The following GLDC variants were observed in gnomAD, a reference collection of about 807,000 sequenced individuals.
GLDC encodes glycine dehydrogenase (decarboxylating), mitochondrial.
In GLDC, 104 loss-of-function variants were observed where a neutral mutation model predicts 121.3. The ratio of observed to expected loss-of-function variants is 0.86; its 90% CI spans 0.73 to 1.01. The LOEUF is 1.01. Among genes scored for constraint, GLDC ranks in the 50% least tolerant of loss-of-function variants. GLDC has a pLI of 0.00. For missense variants in GLDC, 1,429 were observed against 1,306.6 expected (o/e 1.09, Z -1.44); for synonymous variants, 546 against 480.6 (o/e 1.14, Z -1.78).
At chr9:6,556,402 T>C (rs1172094671) in intron 17 of GLDC, 100 bp from the exon 18 acceptor site, 2 of 997,158 alleles carry the variant, frequency 2.0e-6, no homozygotes, top group African/African-American at 1.6e-5. Context: ...AAAGATGAAG[T>C]CTCAGTCTTT....
intron 2 of GLDC, among the ~76,000 whole-genome samples, chr9:6,637,669 G>A (rs554955779): frequency 3.3e-5 from 5 of 152,072 alleles, no homozygotes; most frequent in South Asian, 4.2e-4. Flanking sequence ...GTTTTGCCAC[G>A]TTGCCCAGGC....
At chr9:6,602,264 T>C (rs2129885866) in intron 7 of GLDC, 59 bp from the exon 8 acceptor site, 1 of 1,002,038 alleles carries the variant, frequency 1.0e-6, no homozygotes, top group Middle Eastern at 2.0e-4. Flanking sequence ...GGAGATGCTA[T>C]AAATAGAATT....
intron 15 of GLDC, among the ~76,000 whole-genome samples, chr9:6,582,604 T>C (rs966121722): frequency 1.3e-5 from 2 of 150,224 alleles, no homozygotes; most frequent in Non-Finnish European, 3.0e-5. Flanking sequence ...CCGAGGCGGG[T>C]GGATCACGAG....
intron 15 of GLDC, among the ~76,000 whole-genome samples, chr9:6,582,496 G>T (rs1818190022): frequency 6.6e-6 from 1 of 151,628 alleles, no homozygotes; most frequent in African/African-American, 2.4e-5. Context: ...GCTCCAGGCT[G>T]GACAACAGAG....
intron 15 of GLDC, chr9:6,566,373 G>A (rs762908565): frequency 6.6e-6 from 1 of 152,012 alleles, no homozygotes; most frequent in Non-Finnish European, 1.5e-5. Context: ...AAGGTTTAAG[G>A]AAGACACACC....
chr9:6,589,025 G>A (rs1266507631), intron 12 of GLDC, among the ~76,000 whole-genome samples, 170 bp downstream of exon 12: 1 of 152,216 alleles, frequency 6.6e-6, no homozygotes, highest in East Asian at 1.9e-4. Context: ...GAAACAAAGT[G>A]TGCTTTTCCC....
intron 11 of GLDC, among the ~76,000 whole-genome samples, chr9:6,589,600 G>C (rs1818338000): frequency 6.6e-6 from 1 of 151,924 alleles, no homozygotes; most frequent in South Asian, 2.1e-4. Flanking sequence ...GCTGATTTTT[G>C]TATTTTTCTA....
In GLDC at chr9:6,592,912, T is replaced by C; in HGVS notation, c.1340A>G (p.Lys447Arg). The C allele has an allele frequency of 6.2e-7, 1 of 1,614,012 alleles. No homozygotes were observed. Among genetic ancestry groups the C allele is most frequent in the Non-Finnish European group, 8.5e-7 (1 of 1,179,842 alleles). ...CTGAGCGGCCCTGCCCAAGACCTCC[T>C]TCACTGAGCAGCCACACTGAATCTT... is the stretch of plus-strand genomic sequence containing the variant. ...TLKIQCGCSV[K>R]EVLGRAAQRQ... Residue 447 changes from lysine (K) to arginine (R), a missense_variant, in exon 10 of 25, where the codon AAG becomes AGG. Physicochemically the swap from Lys to Arg is conservative, Grantham distance 26. Transcript: ENST00000321612.
intron 11 of GLDC, among the ~76,000 whole-genome samples, chr9:6,590,397 T>C (rs1456299060): frequency 6.6e-6 from 1 of 152,132 alleles, no homozygotes. Flanking sequence ...CAGGGTGAAA[T>C]GTGATCCCCA....
intron 8 of GLDC, among the ~76,000 whole-genome samples, chr9:6,597,976 G>C (rs189757728): frequency 6.6e-6 from 1 of 152,176 alleles, no homozygotes; most frequent in East Asian, 1.9e-4. Context: ...AGAACATAAT[G>C]AAAATTCAGA....
intron 3 of GLDC, among the ~76,000 whole-genome samples, chr9:6,612,587 G>T (rs1025354909): frequency 6.6e-6 from 1 of 151,854 alleles, no homozygotes; most frequent in Admixed American, 6.6e-5. Context: ...CAGGCCAGGC[G>T]CAGTGGCTCA....
intron 7 of GLDC, 105 bp downstream of exon 7, chr9:6,604,483 C>G (rs896896218): frequency 2.1e-5 from 22 of 1,045,748 alleles, no homozygotes; most frequent in Non-Finnish European, 3.0e-5. Context: ...CCTTAACTGA[C>G]TCAACATGGC....
At chr9:6,607,416 C>T (rs1269762809) in intron 4 of GLDC, among the ~76,000 whole-genome samples, 1 of 151,840 alleles carries the variant, frequency 6.6e-6, no homozygotes, top group Non-Finnish European at 1.5e-5. Context: ...AACCCCAGCT[C>T]TACTAAAACT....
At chr9:6,591,001 C>T (rs1027437138) in intron 11 of GLDC, among the ~76,000 whole-genome samples, 1 of 152,174 alleles carries the variant, frequency 6.6e-6, no homozygotes, top group Admixed American at 6.5e-5. Context: ...ATCCATTTAA[C>T]AAATATTTAC....
At chr9:6,644,880 G>C in intron 1 of GLDC, 188 bp from the exon 2 acceptor site, 1 of 642,006 alleles carries the variant, frequency 1.6e-6, no homozygotes, top group Non-Finnish European at 2.8e-6. Flanking sequence ...GTGGGGTGGA[G>C]ATTCCGCCAC....
At chr9:6,538,481 G>A (rs1382558123) in intron 22 of GLDC, among the ~76,000 whole-genome samples, 3 of 152,196 alleles carry the variant, frequency 2.0e-5, no homozygotes, top group Admixed American at 6.5e-5. Context: ...TATGCTTTAA[G>A]ACCTGGAAAC....
At chr9:6,635,939 G>A (rs888099873) in intron 2 of GLDC, among the ~76,000 whole-genome samples, 4 of 151,900 alleles carry the variant, frequency 2.6e-5, no homozygotes, top group Admixed American at 2.0e-4. Flanking sequence ...ATAATGAACA[G>A]ATGTTATACT....
chr9:6,544,890 G>A (rs991450502), intron 21 of GLDC, among the ~76,000 whole-genome samples: 4 of 152,048 alleles, frequency 2.6e-5, no homozygotes, highest in South Asian at 4.2e-4. Context: ...ACCTGAGGTC[G>A]GTAGTTTGAG....
At chr9:6,642,694 C>T (rs577005534) in intron 2 of GLDC, among the ~76,000 whole-genome samples, 1 of 152,144 alleles carries the variant, frequency 6.6e-6, no homozygotes, top group African/African-American at 2.4e-5. Context: ...TGCCATGTTT[C>T]CCAGGCTCTA....
Sources: allele counts gnomAD v4.1 joint callset (sites outside exome capture counted in the v4.1 genomes callset), GRCh38; gene constraint gnomAD v4.1.1; transcripts MANE v1.5; gene names NCBI Gene and HGNC (gene_info 2026-07-23, HGNC 2026-07-21).